The following RNASEH1 variants were observed in gnomAD, a reference collection of about 807,000 sequenced individuals.
The protein encoded by RNASEH1 is ribonuclease H1, also known as ribonuclease H type II.
In RNASEH1, 27 loss-of-function variants were observed where a neutral mutation model predicts 34.6. That is an observed-to-expected ratio of 0.78 (90% CI 0.58 to 1.08). The LOEUF is 1.08. RNASEH1 is among the 50% of genes least tolerant of loss of function. The pLI is 0.00. For synonymous variants in RNASEH1, 162 were observed against 138.4 expected, an observed-to-expected ratio of 1.17 and a Z score of -1.20; for missense variants, 349 against 373.6, an observed-to-expected ratio of 0.93 and a Z score of 0.54.
chr2:3,548,584 C>T (rs1668978620), intron 6 of RNASEH1, 56 bp downstream of exon 6: 5 of 1,221,452 alleles, frequency 4.1e-6, no homozygotes, highest in Non-Finnish European at 6.0e-6. Flanking sequence ...ACACCTCCTA[C>T]CAATTTCCCT....
At chr2:3,545,925 C>G (rs1351213593) in intron 7 of RNASEH1, 54 bp from the exon 8 acceptor site, 2 of 1,255,342 alleles carry the variant, frequency 1.6e-6, no homozygotes, top group Non-Finnish European at 2.3e-6. Context: ...ATAAGCAACA[C>G]ATGACTATAT....
chr2:3,532,796 G>A, the RNASEH1 span, among the ~76,000 whole-genome samples: 1 of 152,222 alleles, frequency 6.6e-6, no homozygotes, highest in East Asian at 1.9e-4. Flanking sequence ...CCAAAGAGAT[G>A]CACCCAACAA....
At chr2:3,550,146 A>T in intron 4 of RNASEH1, 6 of 300,500 alleles carry the variant, frequency 2.0e-5, no homozygotes, top group South Asian at 7.7e-5. Context: ...GTGTCTTAAA[A>T]AAAAAAAAAA....
chr2:3,547,176 T>G lies in RNASEH1; in HGVS notation c.774+755A>C, dbSNP rs570549821. ...AAATAATCAAATTTGTGTATGTGGG[T>G]GGGTTTGTTTTGTTTTTCTGAGACA... is the stretch of plus-strand genomic sequence containing the variant. On this transcript the variant is annotated intron_variant, in intron 7 of 7. Transcript: ENST00000315212. Among the ~76,000 whole-genome samples the G allele has an allele frequency of 2.6e-5, 4 of 151,984 alleles. No individual in the cohort carries two copies. In the East Asian group the frequency reaches 7.7e-4, roughly 29 times the overall value.
chr2:3,538,713 A>G (rs1263206164), downstream of RNASEH1, among the ~76,000 whole-genome samples: 1 of 152,046 alleles, frequency 6.6e-6, no homozygotes, highest in South Asian at 2.1e-4. Context: ...TTTTATTTTT[A>G]TGTGTGCAAG....
At chr2:3,553,337 A>AAAGTTTTTCTTCTGCAACG (rs545740224) in intron 2 of RNASEH1, among the ~76,000 whole-genome samples, 2 of 151,998 alleles carry the variant, frequency 1.3e-5, no homozygotes, top group Admixed American at 6.6e-5. Flanking sequence ...CTTTTGCAAC[A>AAAGTTTTTCTTCTGCAACG]AAGTTTTTCT....
chr2:3,556,355 G>A (rs1330849746), intron 2 of RNASEH1, among the ~76,000 whole-genome samples: 5 of 149,328 alleles, frequency 3.3e-5, no homozygotes. Flanking sequence ...ACCCAGGCTG[G>A]AGTGCAGTGG....
Position 3,558,309 on chromosome 2 carries a change from G to C in RNASEH1, c.-49C>G, listed in dbSNP as rs756111652. The C allele has an allele frequency of 6.8e-7, 1 of 1,480,532 alleles. No individual in the cohort carries two copies. Among genetic ancestry groups the C allele is most frequent in the Non-Finnish European group, 8.9e-7 (1 of 1,119,122 alleles). 91.7% of individuals were successfully genotyped at this position (1,480,532 alleles called of 1,614,324 possible). On this transcript the variant is annotated 5_prime_UTR_variant, in exon 1 of 8. Coordinates refer to ENST00000315212, the MANE Select transcript of RNASEH1 (RefSeq NM_002936.6). The stretch of plus-strand genomic sequence containing the variant: ...CATTTCGACTCCCGGCCCAGCGTGG[G>C]CGCGAGCCGCCGGCGCTCAACACCG...
intron 2 of RNASEH1, among the ~76,000 whole-genome samples, chr2:3,556,031 G>A (rs1221711824): frequency 1.3e-5 from 2 of 151,850 alleles, no homozygotes; most frequent in Non-Finnish European, 2.9e-5. Flanking sequence ...AAAATTAGCC[G>A]GGCGTGGTGG....
chr2:3,554,212 A>G (rs1384398579), intron 2 of RNASEH1, among the ~76,000 whole-genome samples: 1 of 152,164 alleles, frequency 6.6e-6, no homozygotes, highest in East Asian at 1.9e-4. Context: ...GTTTTCACAC[A>G]CTCATCTCCA....
At chr2:3,552,345 T>C (rs371762115) in intron 2 of RNASEH1, 37 bp from the exon 3 acceptor site, 4 of 1,588,880 alleles carry the variant, frequency 2.5e-6, no homozygotes, top group South Asian at 1.1e-5. Context: ...CTGGAAACAA[T>C]GAACATAACA....
At position 3,543,600 on chromosome 2, in the gene RNASEH1, A is replaced by C. The variant is rs1469642559; in HGVS notation, c.*2185T>G. 1.3e-5 allele frequency among the ~76,000 whole-genome samples: 2 copies of C among 152,056 alleles called. No homozygotes were observed. The highest frequency in any genetic ancestry group is 4.8e-5 in the African/African-American group (2 of 41,362). ...CACAACGGATTGAAACCCACCAAGT[A>C]TGCTTAACTCCACAAATTCTTTTTT... On this transcript the variant is annotated 3_prime_UTR_variant, in exon 8 of 8. Transcript: ENST00000315212.
downstream of RNASEH1, among the ~76,000 whole-genome samples, chr2:3,539,330 A>G (rs546895833): frequency 1.8e-4 from 28 of 152,272 alleles, no homozygotes; most frequent in Middle Eastern, 3.4e-3. Context: ...TTCCCACTTC[A>G]TTCATATTTG....
At chr2:3,546,572 A>G (rs943017232) in intron 7 of RNASEH1, among the ~76,000 whole-genome samples, 5 of 152,226 alleles carry the variant, frequency 3.3e-5, no homozygotes, top group African/African-American at 9.7e-5. Context: ...CAGCTGTCAT[A>G]GTAATGCCAT....
the RNASEH1 span, among the ~76,000 whole-genome samples, chr2:3,534,675 C>T: frequency 6.6e-6 from 1 of 152,272 alleles, no homozygotes; most frequent in Admixed American, 6.5e-5. Flanking sequence ...GCACAGCCCA[C>T]TGGGCCGAAT....
At chr2:3,550,539 C>T in intron 3 of RNASEH1, 67 bp from the exon 4 acceptor site, 1 of 1,197,640 alleles carries the variant, frequency 8.3e-7, no homozygotes. Context: ...CCTCAAAAAT[C>T]CACTAGGTCG....
At chr2:3,549,179 GGATAAC>G in intron 4 of RNASEH1, 67 bp from the exon 5 acceptor site, 3 of 1,186,194 alleles carry the variant, frequency 2.5e-6, no homozygotes, top group Non-Finnish European at 3.8e-6. Context: ...TCTTCTTAAT[GGATAAC>G]GATAAACTAG....
At position 3,553,117 on chromosome 2, in the gene RNASEH1, G is replaced by A. The variant is rs577469110; in HGVS notation, c.245-809C>T. Among the ~76,000 whole-genome samples the A allele has an allele frequency of 4.6e-5, 7 of 151,938 alleles. No individual in the cohort carries two copies. In the South Asian group the frequency reaches 6.2e-4, roughly 14 times the overall value. ...ACAAAAATTAGCCAGGCGTGATGGC[G>A]GGCACCTGTAATCCCAGCTACTCAG... On this transcript the variant is annotated intron_variant, in intron 2 of 7. Transcript: ENST00000315212.
chr2:3,535,018 G>A, the RNASEH1 span, among the ~76,000 whole-genome samples: 88 of 152,328 alleles, frequency 5.8e-4, no homozygotes, highest in Admixed American at 1.5e-3. Context: ...TGTCCAACAC[G>A]AACAGAGCTT....
Sources: allele counts gnomAD v4.1 joint callset (sites outside exome capture counted in the v4.1 genomes callset), GRCh38; gene constraint gnomAD v4.1.1; transcripts MANE v1.5; gene names NCBI Gene and HGNC (gene_info 2026-07-23, HGNC 2026-07-21).